SEPTIN5: variants seen among roughly 807,000 people sequenced by gnomAD.
SEPTIN5 encodes septin 5.
SEPTIN5 carries 16 observed loss-of-function variants against 51.2 expected under a neutral mutation model. The observed-to-expected ratio is 0.31, with a 90% CI of 0.21 to 0.47. The LOEUF (loss-of-function observed/expected upper bound fraction) is 0.47. SEPTIN5 is among the 20% of genes least tolerant of loss of function. The probability of loss-of-function intolerance (pLI) is 0.99; values close to 1 mark genes in which losing one functional copy is unlikely to be tolerated. For missense variants in SEPTIN5, 376 were observed against 500.3 expected, an observed-to-expected ratio of 0.75 and a Z score of 2.37; for synonymous variants, 208 against 191.2, an observed-to-expected ratio of 1.09 and a Z score of -0.72.
Position 19,721,961 on chromosome 22 carries a change from C to T in SEPTIN5, c.950+4C>T. 6.2e-7 allele frequency: 1 copy of T among 1,602,764 alleles called. No individual in the cohort carries two copies. The highest frequency in any genetic ancestry group is 8.5e-7 in the Non-Finnish European group (1 of 1,175,096). On this transcript the variant is annotated splice_donor_region_variant and intron_variant, in intron 10 of 11. Coordinates refer to ENST00000455784, the MANE Select transcript of SEPTIN5 (RefSeq NM_002688.6). ...ACTGCATCCAGCAGATGACCAGGTG[C>T]GCGCCCCAGCCGCGAGCCAGACCTC...
chr22:19,714,904 C>A lies in SEPTIN5; in HGVS notation c.54+113C>A, dbSNP rs889776752. On this transcript the variant is annotated intron_variant, in intron 2 of 11. Coordinates refer to ENST00000455784, the MANE Select transcript of SEPTIN5 (RefSeq NM_002688.6). This position sits in a 1 kb window ranked among gnomAD's most constrained non-coding sequence, Gnocchi z 5.2. ...CCCGCCCCCGCCGGCCCTCACCCAG[C>A]CCTGTCGCGATCACCGATTGTCAGC... The A allele has an allele frequency of 7.5e-6, 10 of 1,336,906 alleles. No individual in the cohort carries two copies. In the African/African-American group the frequency reaches 1.4e-4, roughly 18 times the overall value. 82.8% of individuals were successfully genotyped at this position (1,336,906 alleles called of 1,614,324 possible).
intron 2 of SEPTIN5, among the ~76,000 whole-genome samples, chr22:19,719,239 C>T (rs1935974241): frequency 6.6e-6 from 1 of 152,204 alleles, no homozygotes; most frequent in African/African-American, 2.4e-5. Flanking sequence ...CCAGCTTCTC[C>T]GGCTTATGGA....
In SEPTIN5 at chr22:19,720,875, C is replaced by T. The variant is rs1353320893; in HGVS notation, c.717+6C>T. 1.2e-6 allele frequency: 2 copies of T among 1,611,536 alleles called. No homozygotes were observed. The highest frequency in any genetic ancestry group is 1.3e-5 in the African/African-American group (1 of 74,866). ...AGCAGGACCGGGAACTGAAGGTGAA[C>T]ATGCAGACTGGTGGGGCAGGGGGGA... On this transcript the variant is annotated splice_donor_region_variant and intron_variant, in intron 8 of 11. Coordinates refer to ENST00000455784, the MANE Select transcript of SEPTIN5 (RefSeq NM_002688.6).
At chr22:19,722,207 C>CCCCCCCCA in intron 10 of SEPTIN5, 30 bp from the exon 11 acceptor site, 8 of 1,408,662 alleles carry the variant, frequency 5.7e-6, no homozygotes, top group African/African-American at 1.4e-5. Context: ...GTGGCGCCGC[C>CCCCCCCCA]CCGCCCATCC....
chr22:19,718,990 G>A, intron 2 of SEPTIN5: 1 of 618,904 alleles, frequency 1.6e-6, no homozygotes, highest in Non-Finnish European at 2.3e-6. Context: ...GCCCTGTCCA[G>A]GCCTCACCTC....
intron 2 of SEPTIN5, chr22:19,717,490 G>A (rs935712528): frequency 2.6e-6 from 1 of 381,762 alleles, no homozygotes; most frequent in South Asian, 2.0e-5. Context: ...GAAGCACGTG[G>A]GAGATGGGTC....
rs1424445420 is a variant in SEPTIN5 at position 19,720,803 on chromosome 22, A to G, written c.651A>G (p.Val217=). ...AGATTGACAAGTTTGGGATCCATGTATACCAGTTCCCTGAGTGTGACTCGG... is the reference window on the plus strand; with the variant it reads ...AGATTGACAAGTTTGGGATCCATGTGTACCAGTTCCCTGAGTGTGACTCGG... The part of the protein sequence containing the change: ...REEIDKFGIH[V]YQFPECDSDE... Residue 217 remains valine, a synonymous_variant, in exon 8 of 12, where the codon GTA becomes GTG. Transcript: ENST00000455784. The G allele has an allele frequency of 1.2e-6, 2 of 1,613,778 alleles. No individual in the cohort carries two copies. Among genetic ancestry groups the G allele is most frequent in the Admixed American group, 1.7e-5 (1 of 60,030 alleles).
chr22:19,720,893 A>AG (rs765332365), intron 8 of SEPTIN5, 24 bp downstream of exon 8: 12 of 1,596,816 alleles, frequency 7.5e-6, no homozygotes, highest in Non-Finnish European at 1.0e-5. Context: ...CTGGTGGGGC[A>AG]GGGGGGATGG....
chr22:19,721,841 C>A lies in SEPTIN5; in HGVS notation c.834C>A (p.Cys278Ter). The A allele has an allele frequency of 6.2e-7, 1 of 1,608,726 alleles. No homozygotes were observed. Among genetic ancestry groups the A allele is most frequent in the Non-Finnish European group, 8.5e-7 (1 of 1,177,254 alleles). The change falls in exon 10 of 12, where the codon TGC (cysteine) becomes TGA (stop). Residue 278 changes from cysteine (C) to a stop codon, truncating the protein, a stop_gained. Transcript: ENST00000455784. LOFTEE classifies it high-confidence loss of function. ...GIVEVENQAH[C>*]DFVKLRNMLI... ...CCGCAGTGGAGAACCAGGCGCATTG[C>A]GACTTCGTGAAGCTGCGCAACATGC... is the stretch of plus-strand genomic sequence containing the variant.
chr22:19,718,833 AGGG>A, intron 2 of SEPTIN5: 1 of 1,235,994 alleles, frequency 8.1e-7, no homozygotes, highest in Non-Finnish European at 1.0e-6. Flanking sequence ...GTGTGTGGAG[AGGG>A]CGGAACGTGG....
chr22:19,719,065 C>A, intron 2 of SEPTIN5: 1 of 373,064 alleles, frequency 2.7e-6, no homozygotes, highest in Non-Finnish European at 4.6e-6. Context: ...CAAGGGTCTG[C>A]GGGGGCTGGG....
At position 19,723,059 on chromosome 22, in the gene SEPTIN5, C is replaced by G. The variant is rs1000060878; in HGVS notation, c.*575C>G. 1 of 503,930 alleles carries G rather than the reference C, an allele frequency of 2.0e-6. No homozygotes were observed. Among genetic ancestry groups the G allele is most frequent in the African/African-American group, 1.9e-5 (1 of 52,874 alleles). 31.2% of individuals were successfully genotyped at this position (503,930 alleles called of 1,614,324 possible). On this transcript the variant is annotated 3_prime_UTR_variant, in exon 12 of 12. Coordinates refer to ENST00000455784, the MANE Select transcript of SEPTIN5 (RefSeq NM_002688.6). ...GAGCGGGGTCGTGACCGCTTACACCCCTTCTCCACAGCCCGGCCCGACCTG... is the reference window on the plus strand; with the variant it reads ...GAGCGGGGTCGTGACCGCTTACACCGCTTCTCCACAGCCCGGCCCGACCTG...
chr22:19,716,062 G>A (rs1419225489), intron 2 of SEPTIN5, among the ~76,000 whole-genome samples: 1 of 152,238 alleles, frequency 6.6e-6, no homozygotes, highest in South Asian at 2.1e-4. Flanking sequence ...GTTGGGTGCA[G>A]CCAGGTTCTC....
chr22:19,715,761 A>G (rs1489209285), intron 2 of SEPTIN5, among the ~76,000 whole-genome samples: 2 of 152,186 alleles, frequency 1.3e-5, no homozygotes, highest in Non-Finnish European at 2.9e-5. Flanking sequence ...TGGGGGAGTC[A>G]CTGGCTGACC....
At position 19,720,662 on chromosome 22, in the gene SEPTIN5, A is replaced by G. The variant is rs1413475266; in HGVS notation, c.611A>G (p.Glu204Gly). Reference sequence around the variant, plus strand: ...CCCAGTGAGATCCGGAAGCTGAAGGAGCGGGTGAGCCTGCCGTCGCACAGG... The same window carrying G: ...CCCAGTGAGATCCGGAAGCTGAAGGGGCGGGTGAGCCTGCCGTCGCACAGG... Reference protein sequence around the residue: ...LVPSEIRKLKERIREEIDKFG... With the variant: ...LVPSEIRKLKGRIREEIDKFG... Residue 204 changes from glutamate to glycine, a missense_variant, in exon 7 of 12, where the codon GAG becomes GGG. Transcript: ENST00000455784. 6.2e-7 allele frequency: 1 copy of G among 1,612,890 alleles called. No homozygotes were observed. Among genetic ancestry groups the G allele is most frequent in the Non-Finnish European group, 8.5e-7 (1 of 1,180,018 alleles).
At chr22:19,718,985 G>T in intron 2 of SEPTIN5, 1 of 642,208 alleles carries the variant, frequency 1.6e-6, no homozygotes, top group African/African-American at 1.9e-5. Flanking sequence ...GACGTGCCCT[G>T]TCCAGGCCTC....
intron 8 of SEPTIN5, among the ~76,000 whole-genome samples, chr22:19,721,326 A>T (rs1229893590): frequency 6.6e-6 from 1 of 152,096 alleles, no homozygotes; most frequent in Admixed American, 6.5e-5. Flanking sequence ...CAGGGGCATC[A>T]GCATGGGGAG....
rs1733653502 is a variant in SEPTIN5, at chr22:19,721,693, G to A, written c.771G>A (p.Gly257=). 2 of 1,612,506 alleles carry A rather than the reference G, an allele frequency of 1.2e-6. No individual in the cohort carries two copies. Among genetic ancestry groups the A allele is most frequent in the Non-Finnish European group, 1.7e-6 (2 of 1,179,534 alleles). The change falls in exon 9 of 12, where the codon GGG becomes GGA. Residue 257 remains glycine, a synonymous_variant. Transcript: ENST00000455784. The part of the protein sequence containing the change: ...IGSNTVVEAK[G]QRVRGRLYPW... ...GCAACACGGTGGTGGAGGCCAAGGGGCAGCGGGTCCGGGGCCGACTGTACC... is the reference window on the plus strand; with the variant it reads ...GCAACACGGTGGTGGAGGCCAAGGGACAGCGGGTCCGGGGCCGACTGTACC...
rs548946853 is a variant in SEPTIN5 at position 19,723,023 on chromosome 22, G to A, written c.*539G>A. Reference sequence around the variant, plus strand: ...GAGCCCTCCAGACATAAGGAGGCCAGAGGCTGCAAGGAGCGGGGTCGTGAC... The same window carrying A: ...GAGCCCTCCAGACATAAGGAGGCCAAAGGCTGCAAGGAGCGGGGTCGTGAC... On this transcript the variant is annotated 3_prime_UTR_variant, in exon 12 of 12. Transcript: ENST00000455784. The A allele has an allele frequency of 8.7e-6, 4 of 460,836 alleles. No individual in the cohort carries two copies. The highest frequency in any genetic ancestry group is 7.5e-5 in the South Asian group (4 of 53,046). The allele number at this position is 460,836 out of a possible 1,614,324, so 28.5% of individuals were successfully genotyped here. A position where few individuals can be genotyped will look rare whatever the true frequency, so the allele number is the denominator to read the frequency against.
Sources: gnomAD v4.1 joint callset for allele counts (sites outside exome capture counted in the v4.1 genomes callset) on GRCh38, gnomAD v4.1.1 for gene constraint, Gnocchi (gnomAD v3.1) non-coding constraint, MANE v1.5 for transcripts, NCBI Gene and HGNC (gene_info 2026-07-23, HGNC 2026-07-21) for gene names.